Variants in ARSB observed in about 807,000 individuals in gnomAD.
ARSB encodes arylsulfatase B.
ARSB carries 41 observed loss-of-function variants against 50.9 expected under a neutral mutation model. The ratio of observed to expected loss-of-function variants is 0.81; its 90% CI spans 0.63 to 1.04. The LOEUF (loss-of-function observed/expected upper bound fraction) is 1.04. Ranked by LOEUF, ARSB falls within the 50% of genes least tolerant of loss-of-function variation. The probability of loss-of-function intolerance (pLI) is 0.00; values close to 1 mark genes in which losing one functional copy is unlikely to be tolerated. For missense variants in ARSB, 672 were observed against 693.3 expected, an observed-to-expected ratio of 0.97 and a Z score of 0.35; for synonymous variants, 269 against 284.8, an observed-to-expected ratio of 0.94 and a Z score of 0.56.
intron 2 of ARSB, among the ~76,000 whole-genome samples, chr5:78,968,315 TTTATTATTATTA>T (rs138887783): frequency 0.02 from 2,811 of 143,142 alleles, 57 homozygotes; most frequent in African/African-American, 0.055. Flanking sequence ...CATTTTTTAT[TTTATTATTATTA>T]TTATTATTAT....
intron 4 of ARSB, among the ~76,000 whole-genome samples, chr5:78,900,995 G>A (rs1039936436): frequency 6.1e-5 from 9 of 148,402 alleles, no homozygotes; most frequent in East Asian, 6.0e-4. Context: ...GCAGTGAGCC[G>A]AGATCGCGCC....
chr5:78,887,324 C>A (rs940927910), intron 4 of ARSB, among the ~76,000 whole-genome samples: 7 of 152,110 alleles, frequency 4.6e-5, no homozygotes, highest in Admixed American at 3.9e-4. Context: ...CACTTTATAA[C>A]AACCCACTCT....
At chr5:78,808,913 A>G (rs1580989898) in intron 6 of ARSB, among the ~76,000 whole-genome samples, 1 of 152,346 alleles carries the variant, frequency 6.6e-6, no homozygotes, top group East Asian at 1.9e-4. Flanking sequence ...CAAGACGCCA[A>G]TATGTGTTAG....
At chr5:78,797,331 T>G (rs1743223522) in intron 6 of ARSB, among the ~76,000 whole-genome samples, 6 of 152,240 alleles carry the variant, frequency 3.9e-5, no homozygotes, top group Admixed American at 3.9e-4. Flanking sequence ...AATGTTTTCG[T>G]TCCTCTAGTT....
chr5:78,835,513 C>T (rs10454897), intron 6 of ARSB, among the ~76,000 whole-genome samples: 53,301 of 152,026 alleles, frequency 0.35, 10,158 homozygotes, highest in Middle Eastern at 0.43. Flanking sequence ...CGGATCGATA[C>T]GGTGATGTTT....
At chr5:78,792,695 C>G (rs1743012434) in intron 6 of ARSB, among the ~76,000 whole-genome samples, 1 of 152,176 alleles carries the variant, frequency 6.6e-6, no homozygotes, top group South Asian at 2.1e-4. Flanking sequence ...TGCACGGATT[C>G]TGGGTACAGG....
Position 78,780,588 on chromosome 5 carries a change from T to C in ARSB, c.1411A>G (p.Thr471Ala), listed in dbSNP as rs747202445. The C allele has an allele frequency of 1.3e-5, 21 of 1,613,786 alleles. No homozygotes were observed. The highest frequency in any genetic ancestry group is 1.8e-5 in the Non-Finnish European group (21 of 1,179,990). Residue 471 changes from threonine to alanine, a missense_variant, in exon 8 of 8, where the codon ACC (threonine) becomes GCC (alanine). By Grantham distance (58) the Thr-to-Ala change is moderately conservative. Coordinates refer to ENST00000264914, the MANE Select transcript of ARSB (RefSeq NM_000046.5). ...CGATCAATATCAAAGAGCCAGAGGGTCTTGGTTGGTGGGTCTGATGAGGGT... is the reference window on the plus strand; with the variant it reads ...CGATCAATATCAAAGAGCCAGAGGGCCTTGGTTGGTGGGTCTGATGAGGGT... ...EIPSSDPPTK[T>A]LWLFDIDRDP...
intron 2 of ARSB, among the ~76,000 whole-genome samples, chr5:78,968,709 C>A (rs1301953515): frequency 1.3e-5 from 2 of 152,118 alleles, no homozygotes; most frequent in African/African-American, 4.8e-5. Flanking sequence ...CAATCCATAT[C>A]CCTTTTTGGT....
intron 5 of ARSB, among the ~76,000 whole-genome samples, chr5:78,861,729 T>A (rs1177046674): frequency 1.3e-5 from 2 of 152,078 alleles, no homozygotes; most frequent in East Asian, 1.9e-4. Flanking sequence ...CTTTCACCAC[T>A]CCTATTCAAT....
intron 5 of ARSB, among the ~76,000 whole-genome samples, chr5:78,841,965 T>A (rs1219194811): frequency 6.6e-6 from 1 of 152,096 alleles, no homozygotes; most frequent in Non-Finnish European, 1.5e-5. Flanking sequence ...GAAAACACAA[T>A]ATATGACAAG....
Position 78,837,198 on chromosome 5 carries a change from T to C in ARSB, c.1213+2158A>G, listed in dbSNP as rs941666929. The stretch of plus-strand genomic sequence containing the variant: ...TAGTGAGTGAGGGGTCTTAAGGTTT[T>C]TCATTTGTAGGTGGAATTTAGCAGG... On this transcript the variant is annotated intron_variant, in intron 6 of 7. Coordinates refer to ENST00000264914, the MANE Select transcript of ARSB (RefSeq NM_000046.5). Among the ~76,000 whole-genome samples the C allele has an allele frequency of 2.0e-5, 3 of 152,174 alleles. No individual in the cohort carries two copies. In the South Asian group the frequency reaches 6.2e-4, roughly 32 times the overall value.
At chr5:78,942,055 C>T (rs558564160) in intron 4 of ARSB, among the ~76,000 whole-genome samples, 10 of 152,190 alleles carry the variant, frequency 6.6e-5, no homozygotes, top group Non-Finnish European at 1.5e-4. Flanking sequence ...TCTAGATTTT[C>T]TAGTTTGTTT....
intron 6 of ARSB, among the ~76,000 whole-genome samples, chr5:78,792,696 T>G (rs1161423922): frequency 6.6e-6 from 1 of 152,234 alleles, no homozygotes; most frequent in South Asian, 2.1e-4. Flanking sequence ...GCACGGATTC[T>G]GGGTACAGGT....
At chr5:78,869,075 C>G (rs932652191) in intron 5 of ARSB, among the ~76,000 whole-genome samples, 3 of 150,020 alleles carry the variant, frequency 2.0e-5, no homozygotes, top group African/African-American at 7.5e-5. Context: ...AAGGCCATTA[C>G]ATACTGGTAA....
chr5:78,808,097 A>C (rs1471329161), intron 6 of ARSB, among the ~76,000 whole-genome samples: 164 of 101,206 alleles, frequency 1.6e-3, no homozygotes, highest in African/African-American at 8.7e-3. Flanking sequence ...CGTCTCAAAA[A>C]AAAAAAAAAA....
At chr5:78,860,849 A>C (rs1746399282) in intron 5 of ARSB, among the ~76,000 whole-genome samples, 1 of 151,984 alleles carries the variant, frequency 6.6e-6, no homozygotes, top group Non-Finnish European at 1.5e-5. Context: ...GATCAACAAA[A>C]TTGATAGACC....
intron 4 of ARSB, among the ~76,000 whole-genome samples, chr5:78,893,181 G>C (rs918012995): frequency 6.6e-6 from 1 of 152,152 alleles, no homozygotes; most frequent in African/African-American, 2.4e-5. Context: ...TGCCATGTAA[G>C]ATGTGCCTTT....
chr5:78,871,561 G>A (rs2112152962), intron 5 of ARSB, among the ~76,000 whole-genome samples: 1 of 148,284 alleles, frequency 6.7e-6, no homozygotes, highest in East Asian at 1.9e-4. Context: ...AACAAGCTAT[G>A]GGGAAAGGAT....
At chr5:78,832,159 G>T in intron 6 of ARSB, among the ~76,000 whole-genome samples, 1 of 152,174 alleles carries the variant, frequency 6.6e-6, no homozygotes. Flanking sequence ...AAACTCAAGG[G>T]ACTCAAGTTC....
Sources: allele counts gnomAD v4.1 joint callset (sites outside exome capture counted in the v4.1 genomes callset), GRCh38; gene constraint gnomAD v4.1.1; transcripts MANE v1.5; gene names NCBI Gene and HGNC (gene_info 2026-07-23, HGNC 2026-07-21).